GPHN: variants seen among roughly 807,000 people sequenced by gnomAD.
GPHN encodes gephyrin.
GPHN carries 17 observed loss-of-function variants against 95.5 expected under a neutral mutation model. The observed-to-expected ratio is 0.18, with a 90% CI of 0.12 to 0.27. The LOEUF (loss-of-function observed/expected upper bound fraction) is 0.27. Ranked by LOEUF, GPHN falls within the 10% of genes least tolerant of loss-of-function variation. GPHN has a pLI of 1.00. For missense variants in GPHN, 660 were observed against 978.1 expected (o/e 0.67, Z 4.34); for synonymous variants, 320 against 322.5 (o/e 0.99, Z 0.08).
rs543768453 is a variant in GPHN, at chr14:66,806,773, C to A, written c.202-17701C>A. On this transcript the variant is annotated intron_variant, in intron 3 of 22. Coordinates refer to ENST00000478722, the MANE Select transcript of GPHN (RefSeq NM_020806.5). The stretch of plus-strand genomic sequence containing the variant: ...ACTGCCTCATCCTGGACTTTATTGT[C>A]CATATTGCTATCAGCATTTTGGGCA... 5.9e-5 allele frequency among the ~76,000 whole-genome samples: 9 copies of A among 152,290 alleles called. No individual in the cohort carries two copies. In the South Asian group the frequency reaches 1.9e-3, roughly 32 times the overall value.
At chr14:67,707,097 G>A in the GPHN span, among the ~76,000 whole-genome samples, 1 of 152,188 alleles carries the variant, frequency 6.6e-6, no homozygotes, top group Non-Finnish European at 1.5e-5. Flanking sequence ...TGAAGTTTAA[G>A]TTGTCTAGCT....
chr14:67,702,293 T>C, the GPHN span, among the ~76,000 whole-genome samples: 5 of 152,182 alleles, frequency 3.3e-5, no homozygotes, highest in Admixed American at 6.5e-5. Flanking sequence ...TAAGTTTTTT[T>C]CTATTAACCA....
intron 12 of GPHN, among the ~76,000 whole-genome samples, chr14:67,095,150 G>A (rs1234081755): frequency 6.6e-6 from 1 of 152,090 alleles, no homozygotes; most frequent in Non-Finnish European, 1.5e-5. Flanking sequence ...ACAAACCTTG[G>A]TGTTAATGTA....
At chr14:66,605,091 G>A (rs10144894) in intron 1 of GPHN, among the ~76,000 whole-genome samples, 47,190 of 151,842 alleles carry the variant, frequency 0.31, 11,173 homozygotes, top group African/African-American at 0.64. Context: ...TTGCTTTATC[G>A]ACTCTACCAT....
At chr14:67,659,350 GT>G in the GPHN span, among the ~76,000 whole-genome samples, 6 of 152,112 alleles carry the variant, frequency 3.9e-5, no homozygotes, top group Non-Finnish European at 8.8e-5. Context: ...ACCTGAGAAA[GT>G]GATTCTAAAA....
chr14:67,612,309 A>G, the GPHN span, among the ~76,000 whole-genome samples: 1 of 152,280 alleles, frequency 6.6e-6, no homozygotes, highest in East Asian at 1.9e-4. Context: ...AGATGAGGGA[A>G]GGGGAGGTAT....
At chr14:67,318,764 G>T in the GPHN span, among the ~76,000 whole-genome samples, 1 of 152,062 alleles carries the variant, frequency 6.6e-6, no homozygotes, top group Non-Finnish European at 1.5e-5. Flanking sequence ...ATAGATTCAA[G>T]TTTAGATATT....
intron 2 of GPHN, among the ~76,000 whole-genome samples, chr14:66,753,208 A>G (rs1192622139): frequency 2.0e-5 from 3 of 151,992 alleles, no homozygotes; most frequent in Non-Finnish European, 4.4e-5. Flanking sequence ...TTACCAATGG[A>G]TAGAGCCCCT....
At chr14:67,436,723 C>T in the GPHN span, among the ~76,000 whole-genome samples, 1 of 152,144 alleles carries the variant, frequency 6.6e-6, no homozygotes, top group Non-Finnish European at 1.5e-5. Context: ...AGTGAGCTGC[C>T]CTCTGGAGGG....
At chr14:66,593,957 TAATA>T (rs2061867270) in intron 1 of GPHN, among the ~76,000 whole-genome samples, 1 of 152,212 alleles carries the variant, frequency 6.6e-6, no homozygotes, top group African/African-American at 2.4e-5. Flanking sequence ...TAAAATTGAT[TAATA>T]AATTCCATAA....
the GPHN span, chr14:67,472,149 C>T: frequency 0.16 from 25,026 of 152,196 alleles, 2,193 homozygotes; most frequent in African/African-American, 0.21. Flanking sequence ...AGAGGGGCAG[C>T]CCTGAGGTTC....
chr14:67,128,002 C>T (rs2079438044), intron 17 of GPHN, among the ~76,000 whole-genome samples: 2 of 152,174 alleles, frequency 1.3e-5, no homozygotes. Context: ...TAGCAACATA[C>T]TATTTCCATG....
the GPHN span, chr14:67,189,836 A>C: frequency 2.5e-4 from 27 of 109,970 alleles, no homozygotes; most frequent in Non-Finnish European, 1.1e-4. Context: ...GATTTTTTTT[A>C]ATTTTTTTTT....
the GPHN span, among the ~76,000 whole-genome samples, chr14:67,235,892 TTC>T: frequency 6.6e-6 from 1 of 152,136 alleles, no homozygotes. Flanking sequence ...CATGCTTCTT[TTC>T]TCTGTTTATA....
chr14:67,587,161 C>G, the GPHN span: 11 of 1,613,846 alleles, frequency 6.8e-6, no homozygotes, highest in Non-Finnish European at 8.5e-6. Flanking sequence ...CGGAGCCTGC[C>G]AGCTGTGGGA....
At position 66,693,968 on chromosome 14, in the gene GPHN, G is replaced by T. The variant is rs548371143; in HGVS notation, c.143+12783G>T. ...TCAAGATTTATTATAAAGCTGTGGTGATAGGGGCAGTGTAGTATTGGCAAA... is the reference window on the plus strand; with the variant it reads ...TCAAGATTTATTATAAAGCTGTGGTTATAGGGGCAGTGTAGTATTGGCAAA... On this transcript the variant is annotated intron_variant, in intron 2 of 22. Coordinates refer to ENST00000478722, the MANE Select transcript of GPHN (RefSeq NM_020806.5). Among the ~76,000 whole-genome samples the T allele has an allele frequency of 9.9e-5, 15 of 152,284 alleles. No individual in the cohort carries two copies. The East Asian group carries it at 2.3e-3, about 23-fold the overall frequency.
rs553788093 is a variant in GPHN at position 67,082,415 on chromosome 14, A to G, written c.1145-6568A>G. The stretch of plus-strand genomic sequence containing the variant: ...GTCCTTTCCCCATTGAGTGGTCTTG[A>G]CACCCTTATCAGAGATCATTTGACT... On this transcript the variant is annotated intron_variant, in intron 11 of 22. Transcript: ENST00000478722. 1.3e-4 allele frequency among the ~76,000 whole-genome samples: 20 copies of G among 152,218 alleles called. 1 individual carries two copies. In the South Asian group the frequency reaches 4.1e-3, roughly 32 times the overall value.
chr14:67,105,364 C>T (rs778619563), intron 13 of GPHN, among the ~76,000 whole-genome samples: 3 of 152,026 alleles, frequency 2.0e-5, no homozygotes, highest in Non-Finnish European at 4.4e-5. Flanking sequence ...ATCTAAAATG[C>T]AGTTTAAATC....
chr14:67,171,833 C>T (rs1021405094), intron 21 of GPHN, among the ~76,000 whole-genome samples: 9 of 152,074 alleles, frequency 5.9e-5, no homozygotes, highest in Admixed American at 1.3e-4. Flanking sequence ...CATCCCCCAG[C>T]TGGATCAGCT....
Sources: allele counts gnomAD v4.1 joint callset (sites outside exome capture counted in the v4.1 genomes callset), GRCh38; gene constraint gnomAD v4.1.1; transcripts MANE v1.5; gene names NCBI Gene and HGNC (gene_info 2026-07-23, HGNC 2026-07-21).